RBMS1: variants seen among roughly 807,000 people sequenced by gnomAD.
RBMS1 encodes the protein RNA-binding motif, single-stranded-interacting protein 1.
RBMS1 carries 17 observed loss-of-function variants against 62.3 expected under a neutral mutation model. The observed-to-expected ratio is 0.27, with a 90% CI of 0.19 to 0.41. The LOEUF (loss-of-function observed/expected upper bound fraction) is 0.41. Among genes scored for constraint, RBMS1 ranks in the 10% least tolerant of loss-of-function variants. The pLI is 1.00. For synonymous variants in RBMS1, 172 were observed against 170.0 expected (o/e 1.01, Z -0.09); for missense variants, 334 against 504.5 (o/e 0.66, Z 3.24).
chr2:160,493,063 C>A (rs1685917232), intron 1 of RBMS1: 2 of 511,484 alleles, frequency 3.9e-6, no homozygotes, highest in South Asian at 5.3e-5. Flanking sequence ...TCTAGTCTCT[C>A]CCCCCGCGGC....
rs560676338 is a variant in RBMS1 at position 160,272,813 on chromosome 2, A to G, written c.*1959T>C. On this transcript the variant is annotated 3_prime_UTR_variant, in exon 14 of 14. Transcript: ENST00000348849. ...GACTATGTAATTTTCACTAGAATCT[A>G]CACTTCTCAGAGCAGCAAGGACTTT... 6.6e-6 allele frequency: 1 copy of G among 152,382 alleles called. No homozygotes were observed. The highest frequency in any genetic ancestry group is 2.1e-4 in the South Asian group (1 of 4,834). The allele number at this position is 152,382 out of a possible 1,614,324, so 9.4% of individuals were successfully genotyped here.
chr2:160,371,443 A>C (rs2105166984), intron 1 of RBMS1, among the ~76,000 whole-genome samples: 1 of 152,324 alleles, frequency 6.6e-6, no homozygotes, highest in South Asian at 2.1e-4. Flanking sequence ...CACTCATCCC[A>C]AAAGAGCCTA....
intron 1 of RBMS1, among the ~76,000 whole-genome samples, chr2:160,395,896 G>A (rs1695113760): frequency 6.6e-6 from 1 of 152,068 alleles, no homozygotes; most frequent in Non-Finnish European, 1.5e-5. Context: ...GGCTTTCCTT[G>A]ACCCTTCCTC....
intron 2 of RBMS1, among the ~76,000 whole-genome samples, chr2:160,365,208 T>C (rs1020770527): frequency 1.1e-4 from 16 of 152,230 alleles, no homozygotes; most frequent in African/African-American, 9.6e-5. Context: ...CTGTGTTAAA[T>C]GGAATGAAGT....
At chr2:160,281,200 C>G in intron 10 of RBMS1, 114 bp downstream of exon 10, 1 of 661,288 alleles carries the variant, frequency 1.5e-6, no homozygotes, top group Non-Finnish European at 2.4e-6. Context: ...TTCTCATATT[C>G]CATGTTTAAA....
intron 1 of RBMS1, among the ~76,000 whole-genome samples, chr2:160,394,593 A>T (rs1314003835): frequency 6.6e-6 from 1 of 152,230 alleles, no homozygotes; most frequent in Non-Finnish European, 1.5e-5. Context: ...ACCTTAACAG[A>T]GGAGAAATTA....
rs188374473 is a variant in RBMS1, at chr2:160,289,793, A to G, written c.641-2709T>C. 2.7e-4 allele frequency among the ~76,000 whole-genome samples: 41 copies of G among 152,092 alleles called. 1 individual carries two copies. The highest frequency in any genetic ancestry group is 6.5e-4 in the Admixed American group (10 of 15,278). On this transcript the variant is annotated intron_variant, in intron 6 of 13. Coordinates refer to ENST00000348849, the MANE Select transcript of RBMS1 (RefSeq NM_016836.4). ...GTATTTCTTTGACAATTGCTGTTCCATTTATTTGAAGGACATTATTAGAAA... is the reference window on the plus strand; with the variant it reads ...GTATTTCTTTGACAATTGCTGTTCCGTTTATTTGAAGGACATTATTAGAAA...
chr2:160,282,692 T>TA (rs1256484488), intron 9 of RBMS1: 1 of 165,454 alleles, frequency 6.0e-6, no homozygotes, highest in Non-Finnish European at 1.3e-5. Context: ...AAAATGGGAA[T>TA]AATAATGTTT....
At chr2:160,424,981 T>C (rs1197049187) in intron 1 of RBMS1, among the ~76,000 whole-genome samples, 2 of 151,986 alleles carry the variant, frequency 1.3e-5, no homozygotes, top group Non-Finnish European at 2.9e-5. Flanking sequence ...GATGAAGATC[T>C]GAAGGATTAA....
chr2:160,483,021 C>G (rs1301913362), intron 1 of RBMS1, among the ~76,000 whole-genome samples: 4 of 151,308 alleles, frequency 2.6e-5, no homozygotes, highest in Non-Finnish European at 5.9e-5. Context: ...GAAAAGAACA[C>G]CAGATATCAC....
intron 4 of RBMS1, among the ~76,000 whole-genome samples, chr2:160,311,839 C>T (rs1689941294): frequency 6.6e-6 from 1 of 152,160 alleles, no homozygotes; most frequent in Non-Finnish European, 1.5e-5. Flanking sequence ...TAATTAATTA[C>T]ACAGATGTCT....
intron 1 of RBMS1, among the ~76,000 whole-genome samples, chr2:160,470,695 G>A (rs1210814046): frequency 2.0e-5 from 3 of 152,084 alleles, no homozygotes; most frequent in Non-Finnish European, 4.4e-5. Flanking sequence ...CCTCATCTTA[G>A]ATTGTTAATG....
chr2:160,314,737 G>C (rs1252426093), intron 3 of RBMS1, among the ~76,000 whole-genome samples: 3 of 152,184 alleles, frequency 2.0e-5, no homozygotes, highest in Non-Finnish European at 4.4e-5. Context: ...ATTTGATTTA[G>C]ACAGTAGAGA....
intron 3 of RBMS1, among the ~76,000 whole-genome samples, chr2:160,315,607 C>G (rs911260210): frequency 6.6e-6 from 1 of 152,204 alleles, no homozygotes; most frequent in Admixed American, 6.5e-5. Flanking sequence ...TGCTTTTACC[C>G]TTATTTTTCC....
At chr2:160,305,770 C>T (rs1016228223) in intron 4 of RBMS1, among the ~76,000 whole-genome samples, 1 of 152,004 alleles carries the variant, frequency 6.6e-6, no homozygotes, top group African/African-American at 2.4e-5. Flanking sequence ...AAGATGGGGA[C>T]CCCTTAATTA....
chr2:160,471,718 A>ATATATATATATATATATATAC (rs1357101386), intron 1 of RBMS1, among the ~76,000 whole-genome samples: 1 of 14,504 alleles, frequency 6.9e-5, no homozygotes, highest in African/African-American at 1.5e-4. Flanking sequence ...TATATATATA[A>ATATATATATATATATATATAC]CCTTTCATAC....
At chr2:160,467,650 T>C (rs549148756) in intron 1 of RBMS1, among the ~76,000 whole-genome samples, 1 of 152,312 alleles carries the variant, frequency 6.6e-6, no homozygotes, top group East Asian at 1.9e-4. Flanking sequence ...GCTGGATATA[T>C]AGCAACATAA....
intron 2 of RBMS1, among the ~76,000 whole-genome samples, chr2:160,320,794 T>G (rs1241400810): frequency 6.6e-6 from 1 of 152,108 alleles, no homozygotes; most frequent in Non-Finnish European, 1.5e-5. Flanking sequence ...AACCTTTTCT[T>G]TTAACAAACT....
At chr2:160,386,483 G>A (rs572156737) in intron 1 of RBMS1, among the ~76,000 whole-genome samples, 2 of 151,486 alleles carry the variant, frequency 1.3e-5, no homozygotes, top group Non-Finnish European at 2.9e-5. Context: ...TTGCAGTGCT[G>A]AGAGCTGAGA....
Sources: gnomAD v4.1 joint callset for allele counts (sites outside exome capture counted in the v4.1 genomes callset) on GRCh38, gnomAD v4.1.1 for gene constraint, MANE v1.5 for transcripts, NCBI Gene and HGNC (gene_info 2026-07-23, HGNC 2026-07-21) for gene names.